Variants in NFE2L2 observed in about 807,000 individuals in gnomAD.
The protein encoded by NFE2L2 is NFE2 like bZIP transcription factor 2.
Under a neutral mutation model 49.6 loss-of-function variants are expected in NFE2L2, and 20 were observed. The ratio of observed to expected loss-of-function variants is 0.40; its 90% CI spans 0.28 to 0.59. The LOEUF (loss-of-function observed/expected upper bound fraction) is 0.59. Among genes scored for constraint, NFE2L2 ranks in the 20% least tolerant of loss-of-function variants. NFE2L2 has a pLI of 0.40. For missense variants in NFE2L2, 578 were observed against 714.2 expected (o/e 0.81, Z 2.17); for synonymous variants, 244 against 256.5 (o/e 0.95, Z 0.47).
Position 177,264,649 on chromosome 2 carries a change from A to G in NFE2L2, c.-73T>C. 10 of 1,324,610 alleles carry G rather than the reference A, an allele frequency of 7.5e-6. No homozygotes were observed. The highest frequency in any genetic ancestry group is 8.8e-6 in the Non-Finnish European group (9 of 1,027,820). The allele number at this position is 1,324,610 out of a possible 1,614,324, so 82.1% of individuals were successfully genotyped here. Reference sequence around the variant, plus strand: ...CCGGCTGCCGAGGCGCGGCGCGGACAGGGCGGCTCTGGTGGCGGCGGCGGC... The same window carrying G: ...CCGGCTGCCGAGGCGCGGCGCGGACGGGGCGGCTCTGGTGGCGGCGGCGGC... On this transcript the variant is annotated 5_prime_UTR_variant, in exon 1 of 5. Coordinates refer to ENST00000397062, the MANE Select transcript of NFE2L2 (RefSeq NM_006164.5).
chr2:177,253,002 A>C (rs1186604672), intron 1 of NFE2L2, among the ~76,000 whole-genome samples: 2 of 152,204 alleles, frequency 1.3e-5, no homozygotes, highest in Non-Finnish European at 2.9e-5. Context: ...TACAAACTTG[A>C]AACAGTGCAC....
At chr2:177,249,678 T>G (rs1246391952) in intron 1 of NFE2L2, among the ~76,000 whole-genome samples, 1 of 152,220 alleles carries the variant, frequency 6.6e-6, no homozygotes, top group East Asian at 1.9e-4. Context: ...TATCCAAAAT[T>G]ATTTTAACAT....
At chr2:177,233,077 AT>A in intron 3 of NFE2L2, 172 bp downstream of exon 3, 1 of 585,920 alleles carries the variant, frequency 1.7e-6, no homozygotes, top group Non-Finnish European at 2.9e-6. Flanking sequence ...TTGTAAAGTT[AT>A]TTATAGGCTA....
At chr2:177,256,589 C>G (rs1489152104) in intron 1 of NFE2L2, among the ~76,000 whole-genome samples, 3 of 151,636 alleles carry the variant, frequency 2.0e-5, no homozygotes, top group African/African-American at 7.3e-5. Context: ...AACTGAAGTC[C>G]TTCTGTTTTG....
rs754133211 is a variant in NFE2L2 at position 177,264,563 on chromosome 2, T to A, written c.14A>T (p.Glu5Val). 1 of 1,517,452 alleles carries A rather than the reference T, an allele frequency of 6.6e-7. No homozygotes were observed. Among genetic ancestry groups the A allele is most frequent in the Non-Finnish European group, 8.8e-7 (1 of 1,131,732 alleles). 94.0% of individuals were successfully genotyped at this position (1,517,452 alleles called of 1,614,324 possible). Residue 5 changes from glutamate (E) to valine (V), a missense_variant, in exon 1 of 5, where the codon GAG becomes GTG. Transcript: ENST00000397062. MMDL[E>V]LPPPGLPSQQ... ...GGACGGGAGTCCCGGCGGCGGCAGC[T>A]CCAAGTCCATCATGATGAGCTGTGG...
chr2:177,239,153 G>T (rs533060680), intron 1 of NFE2L2, among the ~76,000 whole-genome samples: 1 of 152,098 alleles, frequency 6.6e-6, no homozygotes, highest in East Asian at 1.9e-4. Context: ...AATAAGACAT[G>T]AAGCATTATT....
Sources: allele counts gnomAD v4.1 joint callset (sites outside exome capture counted in the v4.1 genomes callset), GRCh38; gene constraint gnomAD v4.1.1; transcripts MANE v1.5; gene names NCBI Gene and HGNC (gene_info 2026-07-23, HGNC 2026-07-21).